Variants in BBS9 observed in about 807,000 individuals in gnomAD.
The protein encoded by BBS9 is protein PTHB1.
BBS9 carries 89 observed loss-of-function variants against 117.7 expected under a neutral mutation model. The ratio of observed to expected loss-of-function variants is 0.76; its 90% confidence interval spans 0.64 to 0.90. The LOEUF (loss-of-function observed/expected upper bound fraction) is 0.90, where lower values mean the gene tolerates loss of function less well. BBS9 is among the 40% of genes least tolerant of loss of function. The pLI, the probability that BBS9 is intolerant of heterozygous loss-of-function variation, is 0.00. For missense variants in BBS9, 982 were observed against 1,042.2 expected (o/e 0.94, Z 0.80); for synonymous variants, 379 against 370.9 (o/e 1.02, Z -0.25).
chr7:33,253,047 A>G (rs183360452), intron 5 of BBS9, among the ~76,000 whole-genome samples: 3 of 152,342 alleles, frequency 2.0e-5, no homozygotes, highest in South Asian at 4.1e-4. Context: ...CAATGAGAAT[A>G]TTCTCTTACA....
chr7:33,553,066 A>G (rs1854700819), intron 21 of BBS9, among the ~76,000 whole-genome samples: 1 of 152,042 alleles, frequency 6.6e-6, no homozygotes, highest in South Asian at 2.1e-4. Flanking sequence ...TCCATTCCCA[A>G]ACATTCCCTC....
intron 5 of BBS9, among the ~76,000 whole-genome samples, chr7:33,189,614 G>A (rs1242998935): frequency 6.6e-6 from 1 of 151,876 alleles, no homozygotes; most frequent in Non-Finnish European, 1.5e-5. Context: ...GTTGCTGGGT[G>A]TGGTGGCTCA....
intron 19 of BBS9, among the ~76,000 whole-genome samples, chr7:33,402,289 A>C (rs1039914748): frequency 6.6e-6 from 1 of 152,156 alleles, no homozygotes; most frequent in Non-Finnish European, 1.5e-5. Flanking sequence ...TTCTAATCTC[A>C]TCTCCTATTT....
At chr7:33,536,671 G>T (rs1173315846) in intron 21 of BBS9, among the ~76,000 whole-genome samples, 10 of 7,186 alleles carry the variant, frequency 1.4e-3, no homozygotes, top group Non-Finnish European at 1.7e-3. Flanking sequence ...GCTGTTCTGT[G>T]ATTCGGCCTT....
At chr7:33,496,428 C>A (rs1254917413) in intron 19 of BBS9, among the ~76,000 whole-genome samples, 1 of 151,776 alleles carries the variant, frequency 6.6e-6, no homozygotes, top group Non-Finnish European at 1.5e-5. Context: ...TCACTTGAAC[C>A]TGGAAGGCGG....
At chr7:33,277,206 A>C (rs1800929755) in intron 9 of BBS9, 1 of 154,100 alleles carries the variant, frequency 6.5e-6, no homozygotes, top group African/African-American at 2.4e-5. Context: ...CTGACACTTT[A>C]CAAGGCCATG....
Position 33,439,127 on chromosome 7 carries a change from G to A in BBS9, c.2115+50983G>A, listed in dbSNP as rs80080962. ...GCCTGGGGCCAGCTCAGGTCTGAGT[G>A]ACATGCTAGGCCGGGCCCTAGTTTT... On this transcript the variant is annotated intron_variant, in intron 19 of 22. Transcript: ENST00000242067. Among the ~76,000 whole-genome samples, 2,732 of 152,284 alleles carry A rather than the reference G, an allele frequency of 0.018. 201 individuals are homozygous for A. In the East Asian group the frequency reaches 0.26, roughly 14 times the overall value.
chr7:33,273,798 T>G (rs1800241684), intron 8 of BBS9, 29 bp from the exon 9 acceptor site: 1 of 1,597,262 alleles, frequency 6.3e-7, no homozygotes, highest in African/African-American at 1.3e-5. Context: ...GTTTTCTTAG[T>G]GTCTCTTTTC....
At chr7:33,249,333 G>A (rs1459056800) in intron 5 of BBS9, among the ~76,000 whole-genome samples, 1 of 151,900 alleles carries the variant, frequency 6.6e-6, no homozygotes, top group African/African-American at 2.4e-5. Context: ...GTTAAATTTA[G>A]CAGTATGATT....
chr7:33,143,849 G>T (rs1196582338), intron 1 of BBS9, among the ~76,000 whole-genome samples: 1 of 124,216 alleles, frequency 8.1e-6, no homozygotes, highest in African/African-American at 2.7e-5. Flanking sequence ...ACAAGTATGA[G>T]CCACCGCACC....
At chr7:33,505,763 A>C in intron 20 of BBS9, 118 bp downstream of exon 20, 1 of 1,076,592 alleles carries the variant, frequency 9.3e-7, no homozygotes, top group Non-Finnish European at 1.3e-6. Flanking sequence ...GATTTTTTAC[A>C]AAAATGCTGC....
chr7:33,349,536 G>A (rs1818246908), intron 13 of BBS9, among the ~76,000 whole-genome samples: 1 of 152,154 alleles, frequency 6.6e-6, no homozygotes, highest in African/African-American at 2.4e-5. Context: ...CTGGGCTCAA[G>A]TGATCCTCCC....
chr7:33,174,861 A>T (rs1379761024), intron 4 of BBS9, among the ~76,000 whole-genome samples: 1 of 152,188 alleles, frequency 6.6e-6, no homozygotes, highest in Non-Finnish European at 1.5e-5. Context: ...TCCCTCACCC[A>T]TGTGGCTGGT....
intron 19 of BBS9, among the ~76,000 whole-genome samples, chr7:33,446,414 C>A (rs1287379331): frequency 6.6e-6 from 1 of 152,092 alleles, no homozygotes; most frequent in East Asian, 1.9e-4. Context: ...AATGTTAAAT[C>A]TGTTTTTTTT....
chr7:33,329,704 A>C (rs1447455073), intron 9 of BBS9, among the ~76,000 whole-genome samples: 1 of 152,188 alleles, frequency 6.6e-6, no homozygotes, highest in Non-Finnish European at 1.5e-5. Context: ...GTTCTCTAAA[A>C]GGATTATAAC....
intron 1 of BBS9, among the ~76,000 whole-genome samples, chr7:33,144,994 A>G (rs1009983077): frequency 1.3e-5 from 2 of 152,222 alleles, no homozygotes; most frequent in Admixed American, 6.5e-5. Flanking sequence ...CATGATTCCC[A>G]TAGTAATGAA....
intron 19 of BBS9, among the ~76,000 whole-genome samples, chr7:33,430,700 A>G (rs939643428): frequency 6.6e-6 from 1 of 152,238 alleles, no homozygotes; most frequent in Admixed American, 6.5e-5. Context: ...ATCTGGGACA[A>G]TGTTTTTCTT....
At chr7:33,626,583 C>T (rs1865647201) in intron 21 of BBS9, among the ~76,000 whole-genome samples, 1 of 152,130 alleles carries the variant, frequency 6.6e-6, no homozygotes, top group South Asian at 2.1e-4. Flanking sequence ...AAAGTCCAGG[C>T]TGAGGTGGTC....
At position 33,559,175 on chromosome 7, in the gene BBS9, G is replaced by T. The variant is rs368001278; in HGVS notation, c.2521+24999G>T. 2.7e-4 allele frequency among the ~76,000 whole-genome samples: 41 copies of T among 152,302 alleles called. No homozygotes were observed. The South Asian group carries it at 5.0e-3, about 18-fold the overall frequency. ...GTCCCCAGTGGCCACACTTATCTTC[G>T]TAGATGATTTCCTAAACATTTTTTG... is the stretch of plus-strand genomic sequence containing the variant. On this transcript the variant is annotated intron_variant, in intron 21 of 22. Transcript: ENST00000242067.
Sources: allele counts gnomAD v4.1 joint callset (sites outside exome capture counted in the v4.1 genomes callset), GRCh38; gene constraint gnomAD v4.1.1; transcripts MANE v1.5; gene names NCBI Gene and HGNC (gene_info 2026-07-23, HGNC 2026-07-21).